BRD4: variants seen among roughly 807,000 people sequenced by gnomAD.
BRD4 encodes bromodomain-containing protein 4.
A neutral mutation model predicts 142.1 loss-of-function variants in BRD4; 16 were observed. That is an observed-to-expected ratio of 0.11 (90% CI 0.08 to 0.17). The LOEUF (loss-of-function observed/expected upper bound fraction) is 0.17. Among genes scored for constraint, BRD4 ranks in the 10% least tolerant of loss-of-function variants. The pLI is 1.00. For synonymous variants in BRD4, 833 were observed against 707.5 expected (o/e 1.18, Z -2.82); for missense variants, 1,424 against 1,810.9 (o/e 0.79, Z 3.88).
At chr19:15,284,370 GCT>G (rs2047725993) in intron 1 of BRD4, among the ~76,000 whole-genome samples, 1 of 152,160 alleles carries the variant, frequency 6.6e-6, no homozygotes, top group Non-Finnish European at 1.5e-5. Context: ...CAAGTCCCTG[GCT>G]GACAAAGCAG....
chr19:15,312,528 A>G (rs910056556), intron 1 of BRD4, among the ~76,000 whole-genome samples: 2 of 152,066 alleles, frequency 1.3e-5, no homozygotes, highest in African/African-American at 2.4e-5. Flanking sequence ...GCTACTCAGG[A>G]GGCTGAGGCA....
In BRD4 at chr19:15,266,508, C is replaced by A. The variant is rs1249679477; in HGVS notation, c.560-865G>T. ...GATGCCACCACGTCTGTCTGCCCAG[C>A]GTGCAGCCCAAACCCCTGGTCCCAG... On this transcript the variant is annotated intron_variant, in intron 4 of 19. Coordinates refer to ENST00000679869, the MANE Select transcript of BRD4 (RefSeq NM_001379291.1). Among the ~76,000 whole-genome samples the A allele has an allele frequency of 8.5e-5, 13 of 152,178 alleles. No homozygotes were observed. In the East Asian group the frequency reaches 1.9e-3, roughly 23 times the overall value.
intron 1 of BRD4, among the ~76,000 whole-genome samples, chr19:15,326,153 TAAAAAA>T (rs755812111): frequency 9.9e-6 from 1 of 100,956 alleles, no homozygotes; most frequent in African/African-American, 3.9e-5. Flanking sequence ...AATGTAGCAT[TAAAAAA>T]AAAAAAAAAA....
At chr19:15,298,123 G>A (rs1006502730) in intron 1 of BRD4, among the ~76,000 whole-genome samples, 4 of 152,214 alleles carry the variant, frequency 2.6e-5, no homozygotes, top group African/African-American at 9.6e-5. Context: ...ATGACTCATA[G>A]CCAAATTTGG....
chr19:15,280,548 A>T, intron 1 of BRD4: 1 of 681,274 alleles, frequency 1.5e-6, no homozygotes, highest in Non-Finnish European at 1.8e-6. Context: ...GTGAAATCTA[A>T]AACATACCAC....
intron 1 of BRD4, among the ~76,000 whole-genome samples, chr19:15,291,697 A>G (rs922357012): frequency 1.4e-4 from 21 of 152,214 alleles, no homozygotes; most frequent in African/African-American, 4.8e-4. Context: ...TGGCTTACTT[A>G]AAACCACAGC....
At chr19:15,316,311 C>T (rs1050438255) in intron 1 of BRD4, among the ~76,000 whole-genome samples, 4 of 152,082 alleles carry the variant, frequency 2.6e-5, no homozygotes, top group African/African-American at 9.7e-5. Context: ...TTCTATATTC[C>T]CAGACTTGCT....
Position 15,235,592 on chromosome 19 carries a change from G to C in BRD4, c.*2785C>G, listed in dbSNP as rs932261455. On this transcript the variant is annotated 3_prime_UTR_variant, in exon 20 of 20. Transcript: ENST00000679869. ...AAAAAAAAAAAAAAACCTTTCGTAT[G>C]TAAGTGAAAAGTCTACGAATTCCCT... The C allele has an allele frequency of 6.6e-6, 1 of 150,640 alleles. No homozygotes were observed. Among genetic ancestry groups the C allele is most frequent in the East Asian group, 2.0e-4 (1 of 5,100 alleles). The allele number at this position is 150,640 out of a possible 1,614,324, so 9.3% of individuals were successfully genotyped here.
In BRD4 at chr19:15,265,470, G is replaced by T; in HGVS notation, c.733C>A (p.Gln245Lys). ...QTPVMTVVPP[Q>K]PLQTPPPVPP... Reference sequence around the variant, plus strand: ...ACTGGCGGGGGCGTCTGCAGTGGCTGGGGAGGCACCACTGTCATGACAGGG... The same window carrying T: ...ACTGGCGGGGGCGTCTGCAGTGGCTTGGGAGGCACCACTGTCATGACAGGG... The change falls in exon 5 of 20, where the codon CAG (glutamine) becomes AAG (lysine). Residue 245 changes from glutamine (Q) to lysine (K), a missense_variant. Physicochemically the swap from Gln to Lys is moderately conservative, Grantham distance 53. This residue lies in a region of BRD4 where 140 missense variants were observed against 131.7 expected (regional missense o/e 1.06). Transcript: ENST00000679869. The T allele has an allele frequency of 6.2e-7, 1 of 1,601,896 alleles. No homozygotes were observed. Among genetic ancestry groups the T allele is most frequent in the Non-Finnish European group, 8.5e-7 (1 of 1,172,750 alleles).
intron 1 of BRD4, among the ~76,000 whole-genome samples, chr19:15,295,146 T>C (rs993278446): frequency 6.6e-6 from 1 of 152,200 alleles, no homozygotes; most frequent in Non-Finnish European, 1.5e-5. Context: ...GAGAAACCTG[T>C]GCCATGTCCC....
intron 1 of BRD4, among the ~76,000 whole-genome samples, chr19:15,325,331 T>C (rs1300961821): frequency 1.3e-5 from 2 of 152,128 alleles, no homozygotes; most frequent in African/African-American, 4.8e-5. Flanking sequence ...AAAAATGAGA[T>C]AGGACTGGAT....
In BRD4 at chr19:15,239,093, T is replaced by C. The variant is rs2047217365; in HGVS notation, c.3748A>G (p.Lys1250Glu). 6.2e-7 allele frequency: 1 copy of C among 1,606,542 alleles called. No homozygotes were observed. Among genetic ancestry groups the C allele is most frequent in the Non-Finnish European group, 8.5e-7 (1 of 1,179,272 alleles). ...ALKAQAEHAE[K>E]EKERLRQERM... ...TCCTGCCGCAGCCGCTCCTTCTCCT[T>C]CTCAGCGTGCTCGGCCTGAGCCTTC... Residue 1250 changes from lysine (K) to glutamate (E), a missense_variant, in exon 18 of 20, where the codon AAG becomes GAG. By Grantham distance (56) the Lys-to-Glu change is moderately conservative (BLOSUM62 1). Transcript: ENST00000679869. The surrounding 1 kb of genome is among the most constrained non-coding windows in gnomAD (Gnocchi z 7.4).
chr19:15,324,072 G>A (rs2048087657), intron 1 of BRD4, among the ~76,000 whole-genome samples: 2 of 152,110 alleles, frequency 1.3e-5, no homozygotes, highest in Admixed American at 6.5e-5. Flanking sequence ...GCACCCAACA[G>A]TGAACTCCAT....
At chr19:15,279,197 G>C (rs889126175) in intron 1 of BRD4, among the ~76,000 whole-genome samples, 1 of 152,116 alleles carries the variant, frequency 6.6e-6, no homozygotes, top group Non-Finnish European at 1.5e-5. Flanking sequence ...GTGAATTTTG[G>C]GAAAATATTA....
intron 1 of BRD4, among the ~76,000 whole-genome samples, chr19:15,307,519 G>T (rs2047924620): frequency 6.6e-6 from 1 of 152,158 alleles, no homozygotes; most frequent in Non-Finnish European, 1.5e-5. Context: ...TTTTCAGCAA[G>T]TTCTAATTGC....
chr19:15,311,418 C>T (rs1437810195), intron 1 of BRD4, among the ~76,000 whole-genome samples: 5 of 152,180 alleles, frequency 3.3e-5, no homozygotes, highest in African/African-American at 7.2e-5. Flanking sequence ...GAGTGGAATT[C>T]TGACATGCTA....
intron 1 of BRD4, among the ~76,000 whole-genome samples, chr19:15,314,500 C>T (rs906060469): frequency 7.2e-5 from 11 of 152,088 alleles, no homozygotes; most frequent in African/African-American, 2.2e-4. Flanking sequence ...CTCTTATTTC[C>T]GACGTCCTAT....
chr19:15,327,504 A>C (rs986372042), intron 1 of BRD4, among the ~76,000 whole-genome samples: 6 of 152,024 alleles, frequency 3.9e-5, no homozygotes, highest in African/African-American at 7.2e-5. Flanking sequence ...AGATCGTGCC[A>C]CTGCACTCCA....
intron 11 of BRD4, among the ~76,000 whole-genome samples, chr19:15,249,659 C>T (rs1360376359): frequency 6.6e-6 from 1 of 152,158 alleles, no homozygotes; most frequent in Admixed American, 6.5e-5. Context: ...TTGAGTGATG[C>T]CCCTGCCCTG....
Sources: gnomAD v4.1 joint callset for allele counts (sites outside exome capture counted in the v4.1 genomes callset) on GRCh38, gnomAD v4.1.1 for gene constraint, gnomAD v4.1.1 regional missense constraint, Gnocchi (gnomAD v3.1) non-coding constraint, MANE v1.5 for transcripts, NCBI Gene and HGNC (gene_info 2026-07-23, HGNC 2026-07-21) for gene names.